SKAP1: variants seen among roughly 807,000 people sequenced by gnomAD.
The protein encoded by SKAP1 is src kinase-associated phosphoprotein 1.
Under a neutral mutation model 58.5 loss-of-function variants are expected in SKAP1, and 44 were observed. That is an observed-to-expected ratio of 0.75 (90% CI 0.59 to 0.97). The LOEUF (loss-of-function observed/expected upper bound fraction) is 0.97. Among genes scored for constraint, SKAP1 ranks in the 50% least tolerant of loss-of-function variants. The pLI is 0.00. For missense variants in SKAP1, 390 were observed against 435.2 expected, an observed-to-expected ratio of 0.90 and a Z score of 0.92; for synonymous variants, 127 against 149.7, an observed-to-expected ratio of 0.85 and a Z score of 1.11.
chr17:48,311,018 C>A (rs902676934), intron 4 of SKAP1, among the ~76,000 whole-genome samples: 9 of 152,052 alleles, frequency 5.9e-5, no homozygotes, highest in African/African-American at 2.2e-4. Flanking sequence ...ATTTTTTATT[C>A]CCCCTTCGCC....
chr17:48,433,067 A>T (rs1280794276), upstream of SKAP1, among the ~76,000 whole-genome samples: 1 of 152,240 alleles, frequency 6.6e-6, no homozygotes, highest in African/African-American at 2.4e-5. Context: ...CTCATTGCAG[A>T]CAGAAATCTG....
At chr17:48,210,855 C>T (rs747937839) in intron 4 of SKAP1, among the ~76,000 whole-genome samples, 3 of 152,150 alleles carry the variant, frequency 2.0e-5, no homozygotes, top group Admixed American at 6.5e-5. Context: ...AGTCTCCTCC[C>T]GAGTGTTACC....
chr17:48,332,201 C>T (rs1215497989), intron 4 of SKAP1, among the ~76,000 whole-genome samples: 4 of 151,882 alleles, frequency 2.6e-5, no homozygotes, highest in East Asian at 1.9e-4. Flanking sequence ...TTAAATAACT[C>T]GATAACATTT....
intron 2 of SKAP1, among the ~76,000 whole-genome samples, chr17:48,377,653 A>G (rs1230221609): frequency 6.6e-6 from 1 of 152,124 alleles, no homozygotes; most frequent in Non-Finnish European, 1.5e-5. Flanking sequence ...CCAGAACTGA[A>G]TAGCTTTCCA....
intron 4 of SKAP1, among the ~76,000 whole-genome samples, chr17:48,239,547 C>T (rs1406243089): frequency 1.3e-5 from 2 of 152,142 alleles, no homozygotes; most frequent in African/African-American, 4.8e-5. Flanking sequence ...CAGAAACTCA[C>T]TAGACAGTGA....
chr17:48,324,964 C>G (rs1195990100), intron 4 of SKAP1, among the ~76,000 whole-genome samples: 1 of 151,426 alleles, frequency 6.6e-6, no homozygotes, highest in Admixed American at 6.6e-5. Context: ...AATTAAATAT[C>G]ATTGCCAGGC....
At chr17:48,285,053 C>T (rs374042471) in intron 4 of SKAP1, among the ~76,000 whole-genome samples, 1 of 152,164 alleles carries the variant, frequency 6.6e-6, no homozygotes, top group African/African-American at 2.4e-5. Flanking sequence ...CCTCTTCTGA[C>T]GCACAGAGAG....
chr17:48,158,567 C>CA lies in SKAP1; in HGVS notation c.978+3901dup, dbSNP rs1171183021. 6.6e-3 allele frequency among the ~76,000 whole-genome samples: 404 copies of CA among 61,506 alleles called. 17 individuals are homozygous for CA. Among genetic ancestry groups the CA allele is most frequent in the African/African-American group, 0.016 (229 of 14,770 alleles). The allele number at this position is 61,506 out of a possible 152,430, so 40.4% of individuals were successfully genotyped here. ...TGGGCCACAGAGCGAGACTCTGTCT[C>CA]AAAAAAAAAAAAAAAAAGAAAAAAG... is the stretch of plus-strand genomic sequence containing the variant. On this transcript the variant is annotated intron_variant, in intron 11 of 12. Transcript: ENST00000336915.
At chr17:48,322,960 G>C (rs1209757294) in intron 4 of SKAP1, among the ~76,000 whole-genome samples, 1 of 151,992 alleles carries the variant, frequency 6.6e-6, no homozygotes, top group Admixed American at 6.6e-5. Flanking sequence ...GCCAGGCGTG[G>C]TGGCATGCAC....
At chr17:48,328,042 T>C (rs766084618) in intron 4 of SKAP1, among the ~76,000 whole-genome samples, 1 of 152,166 alleles carries the variant, frequency 6.6e-6, no homozygotes, top group Non-Finnish European at 1.5e-5. Flanking sequence ...GAAACAACAA[T>C]GGCAAGAGTG....
chr17:48,161,432 C>T (rs970054729), intron 11 of SKAP1, among the ~76,000 whole-genome samples: 1 of 152,148 alleles, frequency 6.6e-6, no homozygotes, highest in African/African-American at 2.4e-5. Context: ...GGGACAGAGC[C>T]TATTATTTTA....
At chr17:48,138,516 C>T (rs551881425) in intron 11 of SKAP1, among the ~76,000 whole-genome samples, 137 of 151,754 alleles carry the variant, frequency 9.0e-4, no homozygotes, top group African/African-American at 3.1e-3. Flanking sequence ...ATTACAGGCG[C>T]GCACCACCAC....
upstream of SKAP1, among the ~76,000 whole-genome samples, chr17:48,431,231 G>T (rs2067913180): frequency 6.6e-6 from 1 of 152,114 alleles, no homozygotes; most frequent in Non-Finnish European, 1.5e-5. Flanking sequence ...GATCACTTGA[G>T]CCCAGGAATC....
intron 4 of SKAP1, among the ~76,000 whole-genome samples, chr17:48,214,615 CTTT>C (rs36055537): frequency 6.9e-6 from 1 of 144,670 alleles, no homozygotes; most frequent in Non-Finnish European, 1.5e-5. Flanking sequence ...TCTCCAGTTC[CTTT>C]TTTTTTTTTT....
Position 48,157,615 on chromosome 17 carries a change from C to T in SKAP1, c.978+4854G>A, listed in dbSNP as rs532329886. Among the ~76,000 whole-genome samples the T allele has an allele frequency of 9.9e-5, 15 of 151,200 alleles. No individual in the cohort carries two copies. In the South Asian group the frequency reaches 1.3e-3, roughly 13 times the overall value. ...CACTATCTCAGCTCACTGCAACCTC[C>T]GTCTCCCGGTTCAAGCAATTCTCCT... On this transcript the variant is annotated intron_variant, in intron 11 of 12. Transcript: ENST00000336915.
At chr17:48,423,445 T>C (rs1177334386) in intron 1 of SKAP1, among the ~76,000 whole-genome samples, 1 of 152,172 alleles carries the variant, frequency 6.6e-6, no homozygotes, top group Non-Finnish European at 1.5e-5. Flanking sequence ...AAGCCTATTA[T>C]CAAAGTACCC....
chr17:48,215,532 A>T (rs562965837), intron 4 of SKAP1, among the ~76,000 whole-genome samples: 4 of 152,218 alleles, frequency 2.6e-5, no homozygotes, highest in Non-Finnish European at 5.9e-5. Flanking sequence ...TTAAAAAGGT[A>T]TGTAAAAAGG....
chr17:48,160,759 T>C (rs1567799519), intron 11 of SKAP1, among the ~76,000 whole-genome samples: 1 of 152,234 alleles, frequency 6.6e-6, no homozygotes, highest in Non-Finnish European at 1.5e-5. Context: ...AACAGTTAAT[T>C]TGTTCACCTG....
At chr17:48,284,308 A>G (rs1204613787) in intron 4 of SKAP1, among the ~76,000 whole-genome samples, 3 of 152,262 alleles carry the variant, frequency 2.0e-5, no homozygotes, top group Non-Finnish European at 2.9e-5. Context: ...GACATTCTAT[A>G]TCAAATAAAA....
Sources: allele counts gnomAD v4.1 joint callset (sites outside exome capture counted in the v4.1 genomes callset), GRCh38; gene constraint gnomAD v4.1.1; transcripts MANE v1.5; gene names NCBI Gene and HGNC (gene_info 2026-07-23, HGNC 2026-07-21).